Variants in MCTP2 observed in about 807,000 individuals in gnomAD.
MCTP2 encodes the protein multiple C2 and transmembrane domain containing 2.
A neutral mutation model predicts 111.6 loss-of-function variants in MCTP2; 132 were observed. That is an observed-to-expected ratio of 1.18 (90% CI 1.03 to 1.37). The LOEUF (loss-of-function observed/expected upper bound fraction) is 1.37. Ranked by LOEUF, MCTP2 falls within the 40% of genes most tolerant of loss-of-function variation. The pLI, the probability that MCTP2 is intolerant of heterozygous loss-of-function variation, is 0.00. For missense variants in MCTP2, 1,183 were observed against 1,067.9 expected (o/e 1.11, Z -1.50); for synonymous variants, 395 against 387.7 (o/e 1.02, Z -0.22).
intron 10 of MCTP2, among the ~76,000 whole-genome samples, chr15:94,365,621 C>T (rs2152434009): frequency 6.6e-6 from 1 of 152,234 alleles, no homozygotes; most frequent in African/African-American, 2.4e-5. Flanking sequence ...TACTAGAGTA[C>T]TCTAGAATTA....
chr15:94,412,715 A>G (rs950437274), intron 17 of MCTP2, among the ~76,000 whole-genome samples: 1 of 151,976 alleles, frequency 6.6e-6, no homozygotes, highest in African/African-American at 2.4e-5. Flanking sequence ...TAATAGCCAC[A>G]TTTCTTCTGC....
intron 1 of MCTP2, among the ~76,000 whole-genome samples, chr15:94,294,673 T>C (rs1488522814): frequency 2.0e-5 from 3 of 152,200 alleles, no homozygotes; most frequent in Non-Finnish European, 4.4e-5. Flanking sequence ...TTTGCTTAGA[T>C]ACACAGATTA....
intron 13 of MCTP2, among the ~76,000 whole-genome samples, chr15:94,384,864 C>T (rs1346649765): frequency 6.6e-6 from 1 of 152,166 alleles, no homozygotes; most frequent in Non-Finnish European, 1.5e-5. Context: ...ATAAGAGTCT[C>T]TTGTTTCCCT....
intron 14 of MCTP2, 120 bp downstream of exon 14, chr15:94,385,645 G>C: frequency 2.9e-6 from 2 of 686,764 alleles, no homozygotes. Context: ...ACTATAGCAG[G>C]AAACGACTGT....
rs190220665 is a variant in MCTP2 at position 94,250,921 on chromosome 15, A to C, written c.-66+19257A>C. ...GCAGCAGAAAATGTCCTCATAGTCA[A>C]GTTTAAGAAAATGTCTTATCTAAAT... On this transcript the variant is annotated intron_variant, in intron 1 of 22. Transcript: ENST00000357742. Among the ~76,000 whole-genome samples the C allele has an allele frequency of 5.3e-5, 8 of 152,334 alleles. No homozygotes were observed. In the East Asian group the frequency reaches 1.5e-3, roughly 29 times the overall value.
rs911649536 is a variant in MCTP2 at position 94,468,835 on chromosome 15, C to T, written c.2361-1498C>T. Among the ~76,000 whole-genome samples the T allele has an allele frequency of 3.9e-5, 6 of 152,108 alleles. No homozygotes were observed. The South Asian group carries it at 6.2e-4, about 16-fold the overall frequency. On this transcript the variant is annotated intron_variant, in intron 20 of 22. Transcript: ENST00000357742. ...TAGAGATGAGATTTCACCATGTTGACCAGGCTGGTCTTGAACTTCTGAGCT... is the reference window on the plus strand; with the variant it reads ...TAGAGATGAGATTTCACCATGTTGATCAGGCTGGTCTTGAACTTCTGAGCT...
intron 12 of MCTP2, among the ~76,000 whole-genome samples, chr15:94,382,093 C>G (rs765002207): frequency 6.6e-6 from 1 of 152,312 alleles, no homozygotes; most frequent in African/African-American, 2.4e-5. Flanking sequence ...AAGACAGGCC[C>G]CGGAGGCCCT....
chr15:94,476,864 C>A, intron 22 of MCTP2, 71 bp downstream of exon 22: 1 of 881,130 alleles, frequency 1.1e-6, no homozygotes, highest in Non-Finnish European at 1.9e-6. Flanking sequence ...GCCAGAGGAA[C>A]ACAAGGCTTT....
At chr15:94,243,211 G>A (rs1233728384) in intron 1 of MCTP2, among the ~76,000 whole-genome samples, 1 of 147,934 alleles carries the variant, frequency 6.8e-6, no homozygotes. Flanking sequence ...GCGTATATAC[G>A]TATATACATA....
intron 8 of MCTP2, among the ~76,000 whole-genome samples, chr15:94,354,049 C>T (rs977209525): frequency 6.6e-6 from 1 of 150,462 alleles, no homozygotes; most frequent in Non-Finnish European, 1.5e-5. Context: ...TATATTATTC[C>T]GGATGGAACA....
At chr15:94,344,446 C>G (rs1313434332) in intron 7 of MCTP2, among the ~76,000 whole-genome samples, 1 of 152,156 alleles carries the variant, frequency 6.6e-6, no homozygotes, top group Non-Finnish European at 1.5e-5. Flanking sequence ...CACAGTAGAG[C>G]TTTGCAGTAC....
chr15:94,479,997 T>C lies in MCTP2; in HGVS notation c.*963T>C, dbSNP rs1363784803. The stretch of plus-strand genomic sequence containing the variant: ...AGTAGAAATACTTTGGCTGCCCAAA[T>C]GTATCTTTTGTTCCTCTTAGAAGTA... On this transcript the variant is annotated 3_prime_UTR_variant, in exon 23 of 23. Transcript: ENST00000357742. 1 of 152,196 alleles carries C rather than the reference T, an allele frequency of 6.6e-6. No homozygotes were observed. The highest frequency in any genetic ancestry group is 1.5e-5 in the Non-Finnish European group (1 of 68,026). 9.4% of individuals were successfully genotyped at this position (152,196 alleles called of 1,614,324 possible). A position where few individuals can be genotyped will look rare whatever the true frequency, so the allele number is the denominator to read the frequency against.
chr15:94,364,334 A>G (rs967813139), intron 10 of MCTP2, among the ~76,000 whole-genome samples: 3 of 152,164 alleles, frequency 2.0e-5, no homozygotes, highest in Non-Finnish European at 2.9e-5. Flanking sequence ...TGCCCATAAC[A>G]GGGAAAGGCT....
At chr15:94,285,564 T>G (rs1402154666) in intron 1 of MCTP2, among the ~76,000 whole-genome samples, 1 of 152,196 alleles carries the variant, frequency 6.6e-6, no homozygotes, top group Admixed American at 6.5e-5. Context: ...CACTTAAAAG[T>G]CACTTACACA....
intron 1 of MCTP2, chr15:94,273,769 C>T (rs143446850): frequency 5.3e-6 from 1 of 189,588 alleles, no homozygotes; most frequent in African/African-American, 2.4e-5. Flanking sequence ...CACCCACACA[C>T]ACTTCCTTGT....
chr15:94,460,244 A>AAACTT (rs1187170552), intron 20 of MCTP2, among the ~76,000 whole-genome samples: 3 of 152,208 alleles, frequency 2.0e-5, no homozygotes, highest in Non-Finnish European at 4.4e-5. Flanking sequence ...GAAACAGAAG[A>AAACTT]AACTTATCAG....
rs533314930 is a variant in MCTP2, at chr15:94,302,891, C to T, written c.465+4161C>T. ...GACGGGGCAAATTACAAAAGAAAGACGTTTAATATGGACGACTTACAGTTC... is the reference window on the plus strand; with the variant it reads ...GACGGGGCAAATTACAAAAGAAAGATGTTTAATATGGACGACTTACAGTTC... On this transcript the variant is annotated intron_variant, in intron 2 of 22. Coordinates refer to ENST00000357742, the MANE Select transcript of MCTP2 (RefSeq NM_001385001.1). Among the ~76,000 whole-genome samples, 13 of 151,818 alleles carry T rather than the reference C, an allele frequency of 8.6e-5. No homozygotes were observed. In the East Asian group the frequency reaches 1.2e-3, roughly 14 times the overall value.
Position 94,348,359 on chromosome 15 carries a change from C to T in MCTP2, c.1005+3195C>T, listed in dbSNP as rs112001731. Among the ~76,000 whole-genome samples, 63 of 136,562 alleles carry T rather than the reference C, an allele frequency of 4.6e-4. 1 individual carries two copies. The highest frequency in any genetic ancestry group is 1.6e-3 in the African/African-American group (59 of 35,846). The allele number at this position is 136,562 out of a possible 152,430, so 89.6% of individuals were successfully genotyped here. A position where few individuals can be genotyped will look rare whatever the true frequency, so the allele number is the denominator to read the frequency against. On this transcript the variant is annotated intron_variant, in intron 8 of 22. Transcript: ENST00000357742. ...CCCTCTCCCTCTCCTCTCTCACTCT[C>T]CATCCCCCTTCTCTCTCTCCCTCTC...
At chr15:94,251,505 C>A (rs2072426471) in intron 1 of MCTP2, among the ~76,000 whole-genome samples, 1 of 151,736 alleles carries the variant, frequency 6.6e-6, no homozygotes, top group Admixed American at 6.5e-5. Flanking sequence ...ATTACAGGTG[C>A]CCGCCACCAC....
Sources: gnomAD v4.1 joint callset for allele counts (sites outside exome capture counted in the v4.1 genomes callset) on GRCh38, gnomAD v4.1.1 for gene constraint, MANE v1.5 for transcripts, NCBI Gene and HGNC (gene_info 2026-07-23, HGNC 2026-07-21) for gene names.